Variants in MAML3 observed in about 807,000 individuals in gnomAD.
MAML3 encodes mastermind-like protein 3.
A neutral mutation model predicts 101.9 loss-of-function variants in MAML3; 27 were observed. The observed-to-expected ratio is 0.27, with a 90% CI of 0.20 to 0.37. The LOEUF is 0.37. Among genes scored for constraint, MAML3 ranks in the 10% least tolerant of loss-of-function variants. The pLI, the probability that MAML3 is intolerant of heterozygous loss-of-function variation, is 1.00. For synonymous variants in MAML3, 501 were observed against 555.9 expected (o/e 0.90, Z 1.39); for missense variants, 1,316 against 1,444.9 (o/e 0.91, Z 1.45).
intron 2 of MAML3, among the ~76,000 whole-genome samples, chr4:139,859,117 T>C (rs925504102): frequency 2.0e-5 from 3 of 151,908 alleles, no homozygotes; most frequent in Non-Finnish European, 2.9e-5. Context: ...ATACCAGGAG[T>C]TGCTAATATA....
At chr4:139,948,680 A>G (rs1421135921) in intron 1 of MAML3, among the ~76,000 whole-genome samples, 1 of 152,262 alleles carries the variant, frequency 6.6e-6, no homozygotes, top group East Asian at 1.9e-4. Flanking sequence ...ACTTGTCTTC[A>G]ATCATCTCAA....
At chr4:139,957,773 A>C (rs1733941182) in intron 1 of MAML3, among the ~76,000 whole-genome samples, 1 of 152,214 alleles carries the variant, frequency 6.6e-6, no homozygotes, top group Non-Finnish European at 1.5e-5. Flanking sequence ...CTTATGAAGC[A>C]CCAAATAATT....
intron 1 of MAML3, among the ~76,000 whole-genome samples, chr4:139,905,527 G>A (rs1732809532): frequency 7.1e-6 from 1 of 141,336 alleles, no homozygotes; most frequent in Admixed American, 7.2e-5. Context: ...ATCAGTTATA[G>A]CTGGTTACAA....
At chr4:139,911,427 A>G (rs1270463339) in intron 1 of MAML3, among the ~76,000 whole-genome samples, 4 of 152,218 alleles carry the variant, frequency 2.6e-5, no homozygotes, top group Admixed American at 2.6e-4. Flanking sequence ...TGTGTTGCCC[A>G]GGCTGGTTGT....
rs561920679 is a variant in MAML3, at chr4:139,730,672, G to C, written c.2080-5C>G. ...AAGTCCAACTGGATGCTGCTCCTGG[G>C]AAGACAAGAGAGAGGGAGATGCAGG... On this transcript the variant is annotated splice_polypyrimidine_tract_variant and splice_region_variant and intron_variant, in intron 2 of 4. Transcript: ENST00000509479. The C allele has an allele frequency of 1.2e-6, 2 of 1,609,382 alleles. No individual in the cohort carries two copies. Among genetic ancestry groups the C allele is most frequent in the South Asian group, 2.2e-5 (2 of 90,332 alleles).
chr4:140,029,053 AG>A (rs1202653220), intron 1 of MAML3, among the ~76,000 whole-genome samples: 3 of 152,192 alleles, frequency 2.0e-5, no homozygotes, highest in Non-Finnish European at 4.4e-5. Flanking sequence ...CAATTCTGCA[AG>A]GTAACAAGTG....
chr4:140,084,976 G>A (rs1382253112), intron 1 of MAML3, among the ~76,000 whole-genome samples: 1 of 152,042 alleles, frequency 6.6e-6, no homozygotes, highest in Non-Finnish European at 1.5e-5. Flanking sequence ...TTTACATTGG[G>A]TTATAGTCCT....
chr4:140,020,793 G>A (rs901302870), intron 1 of MAML3, among the ~76,000 whole-genome samples: 5 of 152,174 alleles, frequency 3.3e-5, no homozygotes, highest in African/African-American at 1.2e-4. Flanking sequence ...CAAACACCAT[G>A]CAGAACAGAT....
chr4:139,882,708 G>A (rs1434350595), intron 2 of MAML3, among the ~76,000 whole-genome samples: 2 of 152,164 alleles, frequency 1.3e-5, no homozygotes, highest in Non-Finnish European at 2.9e-5. Flanking sequence ...AATTAGCTGG[G>A]TGTGGTGGCA....
chr4:140,069,098 T>C (rs982726238), intron 1 of MAML3, among the ~76,000 whole-genome samples: 1 of 152,216 alleles, frequency 6.6e-6, no homozygotes, highest in Non-Finnish European at 1.5e-5. Flanking sequence ...TCTAAGTAGC[T>C]TGAATAACCA....
chr4:139,868,637 A>G (rs1731944237), intron 2 of MAML3, among the ~76,000 whole-genome samples: 1 of 152,208 alleles, frequency 6.6e-6, no homozygotes, highest in South Asian at 2.1e-4. Flanking sequence ...AAATGGAGGT[A>G]ATAATACCTT....
At chr4:140,092,377 C>A (rs1215680626) in intron 1 of MAML3, among the ~76,000 whole-genome samples, 1 of 152,060 alleles carries the variant, frequency 6.6e-6, no homozygotes. Flanking sequence ...AGATCATCAA[C>A]AAGGCAATCC....
At chr4:139,764,592 T>C (rs762469613) in intron 2 of MAML3, among the ~76,000 whole-genome samples, 1 of 152,170 alleles carries the variant, frequency 6.6e-6, no homozygotes, top group Non-Finnish European at 1.5e-5. Flanking sequence ...GCAGATCTAG[T>C]GAGCTAATGC....
intron 1 of MAML3, among the ~76,000 whole-genome samples, chr4:139,902,072 G>C: frequency 6.6e-6 from 1 of 152,160 alleles, no homozygotes; most frequent in East Asian, 1.9e-4. Flanking sequence ...TCTCTTACTC[G>C]ATAAAAAGCC....
At chr4:139,937,437 A>C (rs1455175145) in intron 1 of MAML3, among the ~76,000 whole-genome samples, 1 of 151,072 alleles carries the variant, frequency 6.6e-6, no homozygotes, top group East Asian at 2.0e-4. Flanking sequence ...CACCCAGGAT[A>C]GTGTGGTGGT....
intron 1 of MAML3, among the ~76,000 whole-genome samples, chr4:140,130,257 C>T (rs1195909081): frequency 6.6e-6 from 1 of 152,178 alleles, no homozygotes; most frequent in East Asian, 1.9e-4. Context: ...CAGACATGAA[C>T]CCTTAGAATT....
Position 139,740,411 on chromosome 4 carries a change from GGA to G in MAML3, c.2080-9746_2080-9745del, listed in dbSNP as rs552181503. 3.3e-5 allele frequency: 5 copies of G among 152,232 alleles called. No individual in the cohort carries two copies. The South Asian group carries it at 1.0e-3, about 32-fold the overall frequency. The allele number at this position is 152,232 out of a possible 1,614,324, so 9.4% of individuals were successfully genotyped here. A position where few individuals can be genotyped will look rare whatever the true frequency, so the allele number is the denominator to read the frequency against. On this transcript the variant is annotated intron_variant, in intron 2 of 4. Coordinates refer to ENST00000509479, the MANE Select transcript of MAML3 (RefSeq NM_018717.5). Reference sequence around the variant, plus strand: ...GCAAGTGGCCGCTGTCAGGACACATGGACTGAAAGTGGTTTGTCAGCTGCTCC... The same window carrying G: ...GCAAGTGGCCGCTGTCAGGACACATGCTGAAAGTGGTTTGTCAGCTGCTCC...
Position 140,108,176 on chromosome 4 carries a change from G to A in MAML3, c.468+44684C>T, listed in dbSNP as rs957344065. Among the ~76,000 whole-genome samples the A allele has an allele frequency of 2.6e-5, 4 of 151,836 alleles. No individual in the cohort carries two copies. The South Asian group carries it at 6.2e-4, about 24-fold the overall frequency. On this transcript the variant is annotated intron_variant, in intron 1 of 4. Coordinates refer to ENST00000509479, the MANE Select transcript of MAML3 (RefSeq NM_018717.5). ...GTGCAAACATACACATGTGGGCCACGGCCTCATTGTTCTATGTCTCTACTC... is the reference window on the plus strand; with the variant it reads ...GTGCAAACATACACATGTGGGCCACAGCCTCATTGTTCTATGTCTCTACTC...
At chr4:140,014,162 C>T (rs1405146053) in intron 1 of MAML3, among the ~76,000 whole-genome samples, 1 of 152,222 alleles carries the variant, frequency 6.6e-6, no homozygotes, top group Non-Finnish European at 1.5e-5. Flanking sequence ...AAGGGCTCAT[C>T]ATCTAACACT....
Sources: gnomAD v4.1 joint callset for allele counts (sites outside exome capture counted in the v4.1 genomes callset) on GRCh38, gnomAD v4.1.1 for gene constraint, MANE v1.5 for transcripts, NCBI Gene and HGNC (gene_info 2026-07-23, HGNC 2026-07-21) for gene names.